CTNNA3: variants seen among roughly 807,000 people sequenced by gnomAD.
CTNNA3 encodes the protein catenin alpha 3.
CTNNA3 carries 76 observed loss-of-function variants against 95.7 expected under a neutral mutation model. The ratio of observed to expected loss-of-function variants is 0.79; its 90% CI spans 0.66 to 0.96. The LOEUF (loss-of-function observed/expected upper bound fraction) is 0.96. Among genes scored for constraint, CTNNA3 ranks in the 40% least tolerant of loss-of-function variants. The pLI is 0.00. For synonymous variants in CTNNA3, 431 were observed against 374.4 expected, an observed-to-expected ratio of 1.15 and a Z score of -1.74; for missense variants, 1,191 against 1,089.8, an observed-to-expected ratio of 1.09 and a Z score of -1.31.
chr10:65,966,875 T>A, intron 16 of CTNNA3, 129 bp from the exon 17 acceptor site: 1 of 573,282 alleles, frequency 1.7e-6, no homozygotes, highest in Non-Finnish European at 2.9e-6. Context: ...CAGGACCAAG[T>A]AGCTTCTGAT....
intron 7 of CTNNA3, among the ~76,000 whole-genome samples, chr10:66,928,635 A>G (rs74141738): frequency 0.031 from 4,731 of 152,068 alleles, 172 homozygotes; most frequent in African/African-American, 0.09. Context: ...TTTTCCTCTC[A>G]TACATAATCA....
intron 12 of CTNNA3, among the ~76,000 whole-genome samples, chr10:66,315,968 G>T (rs1011806020): frequency 6.6e-6 from 1 of 152,036 alleles, no homozygotes; most frequent in African/African-American, 2.4e-5. Context: ...ATTATTGATA[G>T]GTTCTTGAAA....
In CTNNA3 at chr10:67,469,525, C is replaced by G. The variant is rs548450901; in HGVS notation, c.579+52317G>C. 2.6e-5 allele frequency among the ~76,000 whole-genome samples: 4 copies of G among 150,978 alleles called. No individual in the cohort carries two copies. In the East Asian group the frequency reaches 7.8e-4, roughly 30 times the overall value. On this transcript the variant is annotated intron_variant, in intron 5 of 17. Transcript: ENST00000433211. Reference sequence around the variant, plus strand: ...CACAGGAAAACAGAAAACCAAACACCGCATGTTCTCACTCATAAGCGGGAG... The same window carrying G: ...CACAGGAAAACAGAAAACCAAACACGGCATGTTCTCACTCATAAGCGGGAG...
At chr10:67,133,378 T>TATAC (rs1177119156) in intron 7 of CTNNA3, among the ~76,000 whole-genome samples, 1,585 of 133,826 alleles carry the variant, frequency 0.012, 16 homozygotes, top group Middle Eastern at 0.027. Flanking sequence ...TATATATATA[T>TATAC]ACACACACAC....
chr10:67,372,782 C>T (rs1334455854), intron 5 of CTNNA3, among the ~76,000 whole-genome samples: 1 of 152,176 alleles, frequency 6.6e-6, no homozygotes, highest in African/African-American at 2.4e-5. Flanking sequence ...GATCTCTCGG[C>T]AGAAACTCTA....
chr10:66,048,039 G>A (rs1020120954), intron 15 of CTNNA3, among the ~76,000 whole-genome samples: 1 of 152,080 alleles, frequency 6.6e-6, no homozygotes, highest in South Asian at 2.1e-4. Flanking sequence ...TATTAAAATG[G>A]TTATACCATC....
intron 13 of CTNNA3, among the ~76,000 whole-genome samples, chr10:66,211,645 C>A (rs148578372): frequency 6.6e-6 from 1 of 152,282 alleles, no homozygotes; most frequent in East Asian, 1.9e-4. Flanking sequence ...AGAAGCCAAC[C>A]CTAATATCTG....
intron 1 of CTNNA3, among the ~76,000 whole-genome samples, chr10:67,721,559 A>C (rs1423350893): frequency 1.3e-5 from 2 of 152,054 alleles, no homozygotes; most frequent in African/African-American, 4.8e-5. Context: ...CAATTCCTCT[A>C]ACCTTTTTTC....
intron 13 of CTNNA3, among the ~76,000 whole-genome samples, chr10:66,149,140 T>G (rs994383021): frequency 6.7e-6 from 1 of 148,960 alleles, no homozygotes; most frequent in African/African-American, 2.4e-5. Context: ...TGCATATATA[T>G]CTAACGCATA....
intron 7 of CTNNA3, among the ~76,000 whole-genome samples, chr10:66,875,596 G>A (rs147490281): frequency 1.3e-5 from 2 of 151,928 alleles, no homozygotes; most frequent in Non-Finnish European, 2.9e-5. Flanking sequence ...GGACCATATG[G>A]AAGGTAGTTA....
At chr10:67,015,206 A>C (rs1294914983) in intron 7 of CTNNA3, 2 of 152,100 alleles carry the variant, frequency 1.3e-5, no homozygotes, top group Non-Finnish European at 2.9e-5. Flanking sequence ...ACATGCTTTC[A>C]TTATCATAGT....
chr10:67,105,840 C>A (rs371512386), intron 7 of CTNNA3, among the ~76,000 whole-genome samples: 1 of 152,184 alleles, frequency 6.6e-6, no homozygotes, highest in African/African-American at 2.4e-5. Context: ...TAGGGAAAGA[C>A]ACTGAACATC....
intron 3 of CTNNA3, among the ~76,000 whole-genome samples, chr10:67,551,242 G>A (rs1841019962): frequency 6.6e-6 from 1 of 152,142 alleles, no homozygotes; most frequent in Non-Finnish European, 1.5e-5. Flanking sequence ...TCGAGAGGAG[G>A]AGATCGGTGG....
intron 1 of CTNNA3, among the ~76,000 whole-genome samples, chr10:67,673,199 T>C (rs1163339189): frequency 2.7e-5 from 4 of 149,942 alleles, no homozygotes; most frequent in East Asian, 4.0e-4. Flanking sequence ...GTGATTTTTG[T>C]ACATTGATTT....
At chr10:66,656,638 C>A (rs1015697677) in intron 9 of CTNNA3, among the ~76,000 whole-genome samples, 1 of 151,990 alleles carries the variant, frequency 6.6e-6, no homozygotes, top group African/African-American at 2.4e-5. Context: ...TTTTTATTTT[C>A]TCCCCAGAGT....
chr10:66,826,434 G>A (rs1026718882), intron 7 of CTNNA3, among the ~76,000 whole-genome samples: 2 of 152,078 alleles, frequency 1.3e-5, no homozygotes, highest in Admixed American at 6.5e-5. Context: ...ACACCATCAC[G>A]TCTGGCTAAT....
chr10:66,326,813 A>T (rs1043675521), intron 12 of CTNNA3, among the ~76,000 whole-genome samples: 10 of 152,026 alleles, frequency 6.6e-5, no homozygotes, highest in South Asian at 2.1e-4. Context: ...AATATATTTT[A>T]AAAAATCCTT....
intron 7 of CTNNA3, among the ~76,000 whole-genome samples, chr10:66,849,781 T>C (rs934811914): frequency 6.6e-6 from 1 of 152,140 alleles, no homozygotes; most frequent in Non-Finnish European, 1.5e-5. Context: ...GCCTCCAAAC[T>C]CAGAGGAAAA....
intron 12 of CTNNA3, among the ~76,000 whole-genome samples, chr10:66,282,854 T>A (rs767985719): frequency 1.3e-5 from 2 of 151,854 alleles, no homozygotes; most frequent in Non-Finnish European, 2.9e-5. Flanking sequence ...GTGCATAGGT[T>A]GGCATGCAGT....
Sources: gnomAD v4.1 joint callset for allele counts (sites outside exome capture counted in the v4.1 genomes callset) on GRCh38, gnomAD v4.1.1 for gene constraint, MANE v1.5 for transcripts, NCBI Gene and HGNC (gene_info 2026-07-23, HGNC 2026-07-21) for gene names.